The following DPYD variants were observed in gnomAD, a reference collection of about 807,000 sequenced individuals.
The protein encoded by DPYD is dihydropyrimidine dehydrogenase [NADP(+)].
A neutral mutation model predicts 116.2 loss-of-function variants in DPYD; 109 were observed. The observed-to-expected ratio is 0.94, with a 90% CI of 0.80 to 1.10. The LOEUF is 1.10. Ranked by LOEUF, DPYD falls within the 50% of genes least tolerant of loss-of-function variation. DPYD has a pLI of 0.00. For synonymous variants in DPYD, 440 were observed against 432.0 expected (o/e 1.02, Z -0.23); for missense variants, 1,302 against 1,254.5 (o/e 1.04, Z -0.57).
chr1:97,158,472 G>GATAC (rs1655651915), intron 20 of DPYD, among the ~76,000 whole-genome samples: 2 of 112,030 alleles, frequency 1.8e-5, no homozygotes, highest in Admixed American at 2.0e-4. Flanking sequence ...TAACTCACCA[G>GATAC]ACACACACAC....
intron 16 of DPYD, among the ~76,000 whole-genome samples, chr1:97,317,285 C>G (rs1224883646): frequency 6.6e-6 from 1 of 151,924 alleles, no homozygotes; most frequent in Non-Finnish European, 1.5e-5. Context: ...AGGTCATGTA[C>G]ACATTTTCCT....
At chr1:97,166,791 TTA>T (rs1425940364) in intron 20 of DPYD, among the ~76,000 whole-genome samples, 2 of 152,186 alleles carry the variant, frequency 1.3e-5, no homozygotes, top group African/African-American at 4.8e-5. Flanking sequence ...AAATTATATT[TTA>T]TGTTATGAGT....
In DPYD at chr1:97,521,704, A is replaced by C. The variant is rs1412229200; in HGVS notation, c.1525-5763T>G. Reference sequence around the variant, plus strand: ...CAAAACAGCATGGTACTGGTACCAAAACAGAGACATAGACCAATGGAACAG... The same window carrying C: ...CAAAACAGCATGGTACTGGTACCAACACAGAGACATAGACCAATGGAACAG... On this transcript the variant is annotated intron_variant, in intron 12 of 22. Coordinates refer to ENST00000370192, the MANE Select transcript of DPYD (RefSeq NM_000110.4). Among the ~76,000 whole-genome samples, 5 of 152,334 alleles carry C rather than the reference A, an allele frequency of 3.3e-5. No homozygotes were observed. The East Asian group carries it at 9.6e-4, about 29-fold the overall frequency.
intron 16 of DPYD, among the ~76,000 whole-genome samples, chr1:97,323,415 CGT>C (rs1668466746): frequency 2.3e-5 from 2 of 85,864 alleles, no homozygotes; most frequent in Non-Finnish European, 5.5e-5. Context: ...TATATGTACA[CGT>C]ATATATACAT....
intron 3 of DPYD, among the ~76,000 whole-genome samples, chr1:97,751,942 T>C (rs1664953140): frequency 6.6e-6 from 1 of 151,934 alleles, no homozygotes; most frequent in South Asian, 2.1e-4. Flanking sequence ...TTTGTATTTT[T>C]ATTAGAGACT....
At chr1:97,718,551 T>C (rs765640272) in intron 5 of DPYD, among the ~76,000 whole-genome samples, 7 of 151,978 alleles carry the variant, frequency 4.6e-5, no homozygotes, top group East Asian at 3.9e-4. Flanking sequence ...TAATTTTAAG[T>C]ATAAATTTTC....
chr1:97,437,765 C>G (rs1675550024), intron 14 of DPYD, among the ~76,000 whole-genome samples: 1 of 151,836 alleles, frequency 6.6e-6, no homozygotes, highest in South Asian at 2.1e-4. Flanking sequence ...TATCCTTTTT[C>G]TCTCTTTCAA....
At chr1:97,436,546 G>T (rs1675483873) in intron 14 of DPYD, among the ~76,000 whole-genome samples, 1 of 151,858 alleles carries the variant, frequency 6.6e-6, no homozygotes, top group Non-Finnish European at 1.5e-5. Flanking sequence ...CACCCCAAAG[G>T]CAGCCTGACA....
At chr1:97,385,107 A>G (rs1208997360) in intron 14 of DPYD, among the ~76,000 whole-genome samples, 1 of 151,930 alleles carries the variant, frequency 6.6e-6, no homozygotes, top group Non-Finnish European at 1.5e-5. Flanking sequence ...AAGGGGCACC[A>G]TGTAATTACA....
rs371425573 is a variant in DPYD at position 97,883,241 on chromosome 1, A to G, written c.150+23T>C. The stretch of plus-strand genomic sequence containing the variant: ...TGGAGTGAGGTAATTTTCAGCATGA[A>G]ATAGTGTATCAGTGGTACTTACAAA... On this transcript the variant is annotated intron_variant, in intron 2 of 22. Coordinates refer to ENST00000370192, the MANE Select transcript of DPYD (RefSeq NM_000110.4). 36 of 1,519,262 alleles carry G rather than the reference A, an allele frequency of 2.4e-5. No individual in the cohort carries two copies. In the African/African-American group the frequency reaches 4.0e-4, roughly 17 times the overall value. The allele number at this position is 1,519,262 out of a possible 1,614,324, so 94.1% of individuals were successfully genotyped here.
intron 3 of DPYD, among the ~76,000 whole-genome samples, chr1:97,802,014 C>T (rs1667871483): frequency 6.6e-6 from 1 of 151,798 alleles, no homozygotes; most frequent in Non-Finnish European, 1.5e-5. Flanking sequence ...TAAAATTCAT[C>T]AGTATATCAA....
chr1:97,779,180 A>G (rs1382949196), intron 3 of DPYD, among the ~76,000 whole-genome samples: 2 of 152,144 alleles, frequency 1.3e-5, no homozygotes, highest in Non-Finnish European at 2.9e-5. Flanking sequence ...TAAATCCAAG[A>G]ATCAGGCATA....
chr1:97,700,699 A>G (rs952681268), intron 5 of DPYD, among the ~76,000 whole-genome samples: 6 of 152,038 alleles, frequency 3.9e-5, no homozygotes, highest in Admixed American at 1.3e-4. Flanking sequence ...AAATAAACCT[A>G]AAAAAATTGA....
At chr1:97,775,259 T>C (rs1666336322) in intron 3 of DPYD, among the ~76,000 whole-genome samples, 1 of 152,180 alleles carries the variant, frequency 6.6e-6, no homozygotes, top group Admixed American at 6.5e-5. Context: ...ACATTAACTA[T>C]CTTGCCTCTA....
chr1:97,423,452 G>C (rs565962194), intron 14 of DPYD, among the ~76,000 whole-genome samples: 1 of 152,046 alleles, frequency 6.6e-6, no homozygotes, highest in African/African-American at 2.4e-5. Context: ...AAAGAAGAGA[G>C]TACAAAATGA....
At chr1:97,833,009 A>G (rs973092044) in intron 2 of DPYD, among the ~76,000 whole-genome samples, 4 of 151,934 alleles carry the variant, frequency 2.6e-5, no homozygotes, top group African/African-American at 9.7e-5. Context: ...AAAAAAAAAA[A>G]AAGAACAGCT....
chr1:97,147,528 T>C (rs560463243), intron 20 of DPYD, among the ~76,000 whole-genome samples: 5 of 152,182 alleles, frequency 3.3e-5, no homozygotes, highest in Admixed American at 6.5e-5. Flanking sequence ...GGCAGTGATA[T>C]GTAAAGGGTC....
rs1207500507 is a variant in DPYD at position 97,390,641 on chromosome 1, A to C, written c.1906-8180T>G. ...TACAAGTTGTCTTTTAAAATTATTT[A>C]AAAATTCATCATTTTTTGGTTTATT... On this transcript the variant is annotated intron_variant, in intron 14 of 22. Transcript: ENST00000370192. Among the ~76,000 whole-genome samples, 4 of 151,986 alleles carry C rather than the reference A, an allele frequency of 2.6e-5. No homozygotes were observed. In the East Asian group the frequency reaches 7.7e-4, roughly 29 times the overall value.
chr1:97,563,475 A>G (rs1652308072), intron 11 of DPYD, among the ~76,000 whole-genome samples: 1 of 152,044 alleles, frequency 6.6e-6, no homozygotes, highest in Non-Finnish European at 1.5e-5. Context: ...CCCATTTTCT[A>G]CCTTCTTTCC....
Sources: allele counts gnomAD v4.1 joint callset (sites outside exome capture counted in the v4.1 genomes callset), GRCh38; gene constraint gnomAD v4.1.1; transcripts MANE v1.5; gene names NCBI Gene and HGNC (gene_info 2026-07-23, HGNC 2026-07-21).